TENM3: variants seen among roughly 807,000 people sequenced by gnomAD.
TENM3 encodes the protein teneurin-3.
Under a neutral mutation model 255.1 loss-of-function variants are expected in TENM3, and 63 were observed. That is an observed-to-expected ratio of 0.25 (90% CI 0.20 to 0.30). The LOEUF is 0.30. Among genes scored for constraint, TENM3 ranks in the 10% least tolerant of loss-of-function variants. The pLI is 1.00. For missense variants in TENM3, 2,929 were observed against 3,461.1 expected, an observed-to-expected ratio of 0.85 and a Z score of 3.86; for synonymous variants, 1,306 against 1,322.3, an observed-to-expected ratio of 0.99 and a Z score of 0.27.
intron 1 of TENM3, among the ~76,000 whole-genome samples, chr4:182,278,324 G>A (rs1030771518): frequency 3.3e-5 from 5 of 152,022 alleles, no homozygotes; most frequent in Admixed American, 2.0e-4. Context: ...CCGAGGTCTA[G>A]TCATTGCACT....
At chr4:181,861,448 A>G in the TENM3 span, among the ~76,000 whole-genome samples, 1 of 152,168 alleles carries the variant, frequency 6.6e-6, no homozygotes, top group Admixed American at 6.5e-5. Flanking sequence ...TGAAAAATAT[A>G]AGGATCTCAA....
At chr4:182,320,372 C>T (rs573871871) in intron 1 of TENM3, among the ~76,000 whole-genome samples, 21 of 152,318 alleles carry the variant, frequency 1.4e-4, no homozygotes, top group East Asian at 7.7e-4. Flanking sequence ...GAATCTGCTT[C>T]GCGCCTCTCT....
the TENM3 span, among the ~76,000 whole-genome samples, chr4:181,666,013 T>A: frequency 6.6e-6 from 1 of 152,164 alleles, no homozygotes; most frequent in East Asian, 1.9e-4. Flanking sequence ...GTAAACTTAA[T>A]CATGATTTTG....
At chr4:181,507,460 G>C in the TENM3 span, among the ~76,000 whole-genome samples, 1 of 152,170 alleles carries the variant, frequency 6.6e-6, no homozygotes, top group Non-Finnish European at 1.5e-5. Context: ...AAACACAGAT[G>C]GAGCTTTTTC....
At chr4:181,526,060 C>A in the TENM3 span, among the ~76,000 whole-genome samples, 1 of 152,156 alleles carries the variant, frequency 6.6e-6, no homozygotes, top group African/African-American at 2.4e-5. Context: ...CCAAAATATT[C>A]ACTAGCAGTA....
intron 3 of TENM3, among the ~76,000 whole-genome samples, chr4:182,588,857 C>T (rs1746317698): frequency 6.6e-6 from 1 of 152,168 alleles, no homozygotes; most frequent in African/African-American, 2.4e-5. Flanking sequence ...CACTTGTTTT[C>T]ACCCACTGAA....
chr4:182,687,393 A>G (rs1297551415), intron 11 of TENM3, among the ~76,000 whole-genome samples: 1 of 152,162 alleles, frequency 6.6e-6, no homozygotes, highest in Non-Finnish European at 1.5e-5. Flanking sequence ...TTTCTTACAC[A>G]TCTGAATTCT....
chr4:182,547,695 A>G (rs1268974918), intron 3 of TENM3, among the ~76,000 whole-genome samples: 1 of 152,124 alleles, frequency 6.6e-6, no homozygotes, highest in Non-Finnish European at 1.5e-5. Flanking sequence ...AGCCCTATAG[A>G]AAGAAGATGA....
At chr4:181,619,839 C>T in the TENM3 span, among the ~76,000 whole-genome samples, 1 of 152,116 alleles carries the variant, frequency 6.6e-6, no homozygotes, top group African/African-American at 2.4e-5. Context: ...CCCAGGCTCC[C>T]GGAGCAGGTG....
At chr4:182,600,891 CTCTT>C (rs766871325) in intron 3 of TENM3, 29 bp from the exon 4 acceptor site, 5 of 1,030,730 alleles carry the variant, frequency 4.9e-6, no homozygotes, top group East Asian at 2.8e-5. Flanking sequence ...ATAATGAGTT[CTCTT>C]TCTTTTTTTT....
chr4:182,502,910 C>CTTTT (rs10671906), intron 3 of TENM3, among the ~76,000 whole-genome samples: 6 of 77,368 alleles, frequency 7.8e-5, no homozygotes, highest in Admixed American at 1.4e-4. Flanking sequence ...TGAAGTCAGC[C>CTTTT]TTTTTTTTTT....
At chr4:181,475,924 C>T in the TENM3 span, among the ~76,000 whole-genome samples, 1 of 152,232 alleles carries the variant, frequency 6.6e-6, no homozygotes, top group South Asian at 2.1e-4. Flanking sequence ...CGGGTTCACC[C>T]CGCCGAGGTC....
the TENM3 span, among the ~76,000 whole-genome samples, chr4:181,556,436 T>C: frequency 3.3e-5 from 5 of 152,152 alleles, no homozygotes; most frequent in African/African-American, 1.2e-4. Context: ...TGACAATAAT[T>C]TATAAACTTT....
At chr4:182,255,804 A>G (rs2150136444) in intron 1 of TENM3, among the ~76,000 whole-genome samples, 1 of 152,294 alleles carries the variant, frequency 6.6e-6, no homozygotes, top group South Asian at 2.1e-4. Flanking sequence ...TGCATCCTTC[A>G]TTGTTAACAT....
the TENM3 span, among the ~76,000 whole-genome samples, chr4:181,895,999 TG>T: frequency 1.3e-5 from 2 of 152,204 alleles, no homozygotes; most frequent in African/African-American, 4.8e-5. Context: ...ACTGACTTCC[TG>T]ACATTCCCCC....
At position 182,354,511 on chromosome 4, in the gene TENM3, G is replaced by A. The variant is rs1031601544; in HGVS notation, c.511+7582G>A. Among the ~76,000 whole-genome samples, 10 of 152,078 alleles carry A rather than the reference G, an allele frequency of 6.6e-5. No homozygotes were observed. In the South Asian group the frequency reaches 8.3e-4, roughly 13 times the overall value. Reference sequence around the variant, plus strand: ...GCCATTCCGTGAGCACTCAAGTGTCGGAAAAGCAGCTAACTGAGGGTTTTT... The same window carrying A: ...GCCATTCCGTGAGCACTCAAGTGTCAGAAAAGCAGCTAACTGAGGGTTTTT... On this transcript the variant is annotated intron_variant, in intron 3 of 27. Transcript: ENST00000511685.
chr4:182,741,755 T>A (rs1317930531), intron 18 of TENM3, among the ~76,000 whole-genome samples: 4 of 152,198 alleles, frequency 2.6e-5, no homozygotes, highest in Non-Finnish European at 4.4e-5. Context: ...TGAATAAACC[T>A]GTTTTATTTT....
At chr4:181,469,614 G>A in the TENM3 span, among the ~76,000 whole-genome samples, 392 of 152,290 alleles carry the variant, frequency 2.6e-3, 2 homozygotes, top group African/African-American at 9.3e-3. Context: ...TGTTGGAGAA[G>A]CTGTAAGACA....
At chr4:182,508,536 A>G (rs1737061922) in intron 3 of TENM3, among the ~76,000 whole-genome samples, 1 of 152,222 alleles carries the variant, frequency 6.6e-6, no homozygotes, top group Admixed American at 6.5e-5. Flanking sequence ...CTTATATCTA[A>G]TCAGAATGAT....
Sources: allele counts gnomAD v4.1 joint callset (sites outside exome capture counted in the v4.1 genomes callset), GRCh38; gene constraint gnomAD v4.1.1; transcripts MANE v1.5; gene names NCBI Gene and HGNC (gene_info 2026-07-23, HGNC 2026-07-21).